The following UBE4B variants were observed in gnomAD, a reference collection of about 807,000 sequenced individuals.
UBE4B encodes the protein ubiquitination factor E4B, also known as ubiquitin conjugation factor E4 B.
Under a neutral mutation model 148.1 loss-of-function variants are expected in UBE4B, and 27 were observed. The ratio of observed to expected loss-of-function variants is 0.18; its 90% CI spans 0.13 to 0.25. The LOEUF (loss-of-function observed/expected upper bound fraction) is 0.25. Ranked by LOEUF, UBE4B falls within the 10% of genes least tolerant of loss-of-function variation. UBE4B has a pLI of 1.00. For synonymous variants in UBE4B, 596 were observed against 619.3 expected, an observed-to-expected ratio of 0.96 and a Z score of 0.56; for missense variants, 1,170 against 1,662.4, an observed-to-expected ratio of 0.70 and a Z score of 5.15.
At chr1:10,128,686 C>A (rs1244540159) in intron 11 of UBE4B, 1 of 152,192 alleles carries the variant, frequency 6.6e-6, no homozygotes, top group Non-Finnish European at 1.5e-5. Flanking sequence ...GGCATCTCAA[C>A]GTTGTGTCAA....
In UBE4B at chr1:10,180,234, A is replaced by G. The variant is rs911831804; in HGVS notation, c.*278A>G. On this transcript the variant is annotated 3_prime_UTR_variant, in exon 28 of 28. Transcript: ENST00000343090. The stretch of plus-strand genomic sequence containing the variant: ...ATAAAGCATGTCCTTCGTATGTCAC[A>G]GTTTGGGGCAACGGAAGTCTTTTAG... The G allele has an allele frequency of 1.3e-5, 6 of 463,860 alleles. No homozygotes were observed. The highest frequency in any genetic ancestry group is 2.3e-5 in the Non-Finnish European group (6 of 260,172). The allele number at this position is 463,860 out of a possible 1,614,324, so 28.7% of individuals were successfully genotyped here. A position where few individuals can be genotyped will look rare whatever the true frequency, so the allele number is the denominator to read the frequency against.
chr1:10,127,796 C>A (rs1487294102), intron 11 of UBE4B, among the ~76,000 whole-genome samples: 1 of 152,130 alleles, frequency 6.6e-6, no homozygotes, highest in Non-Finnish European at 1.5e-5. Context: ...TCAAGGCACT[C>A]ATAATCTACT....
At chr1:10,076,164 G>C (rs1288879299) in intron 2 of UBE4B, among the ~76,000 whole-genome samples, 1 of 152,078 alleles carries the variant, frequency 6.6e-6, no homozygotes, top group Non-Finnish European at 1.5e-5. Context: ...GTTAGACATA[G>C]GTCTAATGGG....
intron 1 of UBE4B, among the ~76,000 whole-genome samples, chr1:10,039,034 T>G (rs959096912): frequency 2.0e-5 from 3 of 151,908 alleles, no homozygotes; most frequent in Admixed American, 6.6e-5. Context: ...TACTCTAGCC[T>G]GGGAGGCAGA....
intron 1 of UBE4B, among the ~76,000 whole-genome samples, chr1:10,070,936 G>A (rs1644473922): frequency 6.6e-6 from 1 of 151,992 alleles, no homozygotes; most frequent in Non-Finnish European, 1.5e-5. Flanking sequence ...TTTGGAGGTG[G>A]AGTCTCCCTC....
At chr1:10,110,552 G>C (rs1244129903) in intron 7 of UBE4B, among the ~76,000 whole-genome samples, 2 of 151,736 alleles carry the variant, frequency 1.3e-5, no homozygotes, top group Non-Finnish European at 2.9e-5. Context: ...GCTGGAAGTT[G>C]ATCTGAAAAA....
chr1:10,138,308 A>C (rs1233788337), intron 17 of UBE4B, among the ~76,000 whole-genome samples: 1 of 152,010 alleles, frequency 6.6e-6, no homozygotes, highest in Non-Finnish European at 1.5e-5. Flanking sequence ...CGTGTTAGCC[A>C]GGATAGTCTT....
chr1:10,175,388 A>C (rs1011236224), intron 25 of UBE4B, among the ~76,000 whole-genome samples: 1 of 152,154 alleles, frequency 6.6e-6, no homozygotes, highest in Non-Finnish European at 1.5e-5. Flanking sequence ...GCAGTGGCTC[A>C]CGCCTGTAAT....
chr1:10,178,885 AGGACGTCCTG>A, intron 26 of UBE4B, 67 bp downstream of exon 26: 1 of 1,493,540 alleles, frequency 6.7e-7, no homozygotes, highest in Non-Finnish European at 8.9e-7. Flanking sequence ...ACATTACAAG[AGGACGTCCTG>A]TGCAATTAAT....
In UBE4B at chr1:10,127,293, T is replaced by C. The variant is rs1217506761; in HGVS notation, c.1638+416T>C. ...TACAATTTTATCTTTATGTGTTTAC[T>C]TTGTGCAGAAAATCTCAGTGTAGCT... On this transcript the variant is annotated intron_variant, in intron 11 of 27. Coordinates refer to ENST00000343090, the MANE Select transcript of UBE4B (RefSeq NM_001105562.3). Among the ~76,000 whole-genome samples the C allele has an allele frequency of 2.0e-5, 3 of 152,208 alleles. No individual in the cohort carries two copies. In the East Asian group the frequency reaches 5.8e-4, roughly 29 times the overall value.
At chr1:10,045,261 C>A (rs952738592) in intron 1 of UBE4B, among the ~76,000 whole-genome samples, 1 of 152,142 alleles carries the variant, frequency 6.6e-6, no homozygotes, top group Admixed American at 6.6e-5. Context: ...TGGGGACCCC[C>A]GCATTAGGGA....
intron 14 of UBE4B, among the ~76,000 whole-genome samples, chr1:10,131,716 G>A (rs1249861060): frequency 6.6e-6 from 1 of 151,962 alleles, no homozygotes; most frequent in African/African-American, 2.4e-5. Context: ...ACAAAAATTG[G>A]CCAAGGCAGG....
rs773757624 is a variant in UBE4B at position 10,161,129 on chromosome 1, A to AT, written c.3054-11dup. 6.2e-7 allele frequency: 1 copy of AT among 1,613,656 alleles called. No individual in the cohort carries two copies. Among genetic ancestry groups the AT allele is most frequent in the Non-Finnish European group, 8.5e-7 (1 of 1,179,752 alleles). ...GAGATGTATGACCATGTACAATATA[A>AT]TTGCCTTTCCAGCTCCGGGAAGCAG... On this transcript the variant is annotated splice_polypyrimidine_tract_variant and intron_variant, in intron 22 of 27. Coordinates refer to ENST00000343090, the MANE Select transcript of UBE4B (RefSeq NM_001105562.3). This position sits in a 1 kb window ranked among gnomAD's most constrained non-coding sequence, Gnocchi z 4.1.
chr1:10,126,926 T>G, intron 11 of UBE4B, 49 bp downstream of exon 11: 1 of 1,490,932 alleles, frequency 6.7e-7, no homozygotes, highest in Non-Finnish European at 9.3e-7. Flanking sequence ...TGTTTTTCTT[T>G]CAGATTATTT....
intron 7 of UBE4B, among the ~76,000 whole-genome samples, chr1:10,116,026 A>C (rs1488143171): frequency 6.6e-6 from 1 of 152,222 alleles, no homozygotes; most frequent in African/African-American, 2.4e-5. Flanking sequence ...TTAGTTATGC[A>C]TATCTATCTG....
In UBE4B at chr1:10,106,745, A is replaced by G. The variant is rs1248318747; in HGVS notation, c.1196+162A>G. On this transcript the variant is annotated intron_variant, in intron 7 of 27. Coordinates refer to ENST00000343090, the MANE Select transcript of UBE4B (RefSeq NM_001105562.3). The surrounding 1 kb of genome is among the most constrained non-coding windows in gnomAD (Gnocchi z 4.2). ...TTTGGTAGGCACGTACTCTGAGTCC[A>G]TGCTTCTGCCAGGCTCTAATCATGC... Among the ~76,000 whole-genome samples, 1 of 152,164 alleles carries G rather than the reference A, an allele frequency of 6.6e-6. No individual in the cohort carries two copies. The highest frequency in any genetic ancestry group is 1.5e-5 in the Non-Finnish European group (1 of 68,034).
At chr1:10,135,272 A>C in intron 16 of UBE4B, 86 bp downstream of exon 16, 5 of 1,312,158 alleles carry the variant, frequency 3.8e-6, no homozygotes, top group Non-Finnish European at 5.3e-6. Context: ...TTACCACCTC[A>C]CCATAAAATG....
chr1:10,148,996 A>G (rs1645927857), intron 19 of UBE4B, among the ~76,000 whole-genome samples, 188 bp from the exon 20 acceptor site: 1 of 152,160 alleles, frequency 6.6e-6, no homozygotes, highest in South Asian at 2.1e-4. Context: ...ACCCTTGCAT[A>G]TGCACTGTCT....
chr1:10,099,490 AAAG>A (rs1182249071), intron 3 of UBE4B, among the ~76,000 whole-genome samples: 1 of 152,198 alleles, frequency 6.6e-6, no homozygotes. Context: ...GATAGACCTT[AAAG>A]AAGATCTTAA....
Sources: gnomAD v4.1 joint callset for allele counts (sites outside exome capture counted in the v4.1 genomes callset) on GRCh38, gnomAD v4.1.1 for gene constraint, Gnocchi (gnomAD v3.1) non-coding constraint, MANE v1.5 for transcripts, NCBI Gene and HGNC (gene_info 2026-07-23, HGNC 2026-07-21) for gene names.